Variants in PDE1C observed in about 807,000 individuals in gnomAD.
PDE1C encodes the protein phosphodiesterase 1C, also known as dual specificity calcium/calmodulin-dependent 3',5'-cyclic nucleotide phosphodiesterase 1C.
Under a neutral mutation model 93.1 loss-of-function variants are expected in PDE1C, and 62 were observed. The ratio of observed to expected loss-of-function variants is 0.67; its 90% CI spans 0.54 to 0.82. The LOEUF is 0.82. PDE1C is among the 40% of genes least tolerant of loss of function. PDE1C has a pLI of 0.00. For synonymous variants in PDE1C, 325 were observed against 310.1 expected (o/e 1.05, Z -0.50); for missense variants, 742 against 884.6 (o/e 0.84, Z 2.04).
At chr7:31,986,398 C>T (rs930396777) in intron 2 of PDE1C, among the ~76,000 whole-genome samples, 2 of 152,152 alleles carry the variant, frequency 1.3e-5, no homozygotes, top group Admixed American at 6.5e-5. Context: ...CTAGTTATAT[C>T]TGCAAAGACT....
In PDE1C at chr7:32,203,021, A is replaced by G. The variant is rs370292045; in HGVS notation, c.136+6468T>C. 5.3e-5 allele frequency among the ~76,000 whole-genome samples: 8 copies of G among 152,016 alleles called. No homozygotes were observed. The East Asian group carries it at 1.5e-3, about 29-fold the overall frequency. ...TCCTCCCCACACCCAGCTCCTAGCA[A>G]ACACCATCCAATTCTGCATTTCTAT... On this transcript the variant is annotated intron_variant, in intron 2 of 18. Transcript: ENST00000396193.
At chr7:31,820,250 T>G (rs1201636815) in intron 14 of PDE1C, among the ~76,000 whole-genome samples, 1 of 152,062 alleles carries the variant, frequency 6.6e-6, no homozygotes, top group Non-Finnish European at 1.5e-5. Flanking sequence ...CATCAGAATT[T>G]TAATAATAGT....
Position 32,165,913 on chromosome 7 carries a change from C to A in PDE1C, c.308+3872G>T, listed in dbSNP as rs572737883. Among the ~76,000 whole-genome samples the A allele has an allele frequency of 1.1e-4, 17 of 152,226 alleles. No homozygotes were observed. The South Asian group carries it at 3.3e-3, about 30-fold the overall frequency. On this transcript the variant is annotated intron_variant, in intron 3 of 18. Coordinates refer to the PDE1C transcript ENST00000396193. ...TAGAGAACAACATCCTTGGGCCCCA[C>A]CTAGATCTGGGATGAGCCCAACAAT...
intron 17 of PDE1C, among the ~76,000 whole-genome samples, chr7:31,772,373 T>C (rs1390217253): frequency 6.6e-6 from 1 of 152,172 alleles, no homozygotes; most frequent in South Asian, 2.1e-4. Flanking sequence ...ATTCAGGTTA[T>C]AGCCCTAGCT....
At chr7:32,399,620 T>C (rs1784905978) in intron 1 of PDE1C, among the ~76,000 whole-genome samples, 1 of 149,642 alleles carries the variant, frequency 6.7e-6, no homozygotes, top group African/African-American at 2.5e-5. Flanking sequence ...TCTTCCTCTG[T>C]TGCCCAGACT....
intron 1 of PDE1C, among the ~76,000 whole-genome samples, chr7:32,283,953 T>A (rs1811842197): frequency 6.6e-6 from 1 of 152,182 alleles, no homozygotes; most frequent in Non-Finnish European, 1.5e-5. Context: ...TTTGGTGCAG[T>A]CAGTAAATAC....
At chr7:31,985,256 T>TA (rs371900820) in intron 2 of PDE1C, among the ~76,000 whole-genome samples, 2 of 152,116 alleles carry the variant, frequency 1.3e-5, no homozygotes, top group African/African-American at 4.8e-5. Flanking sequence ...CAGAGCTCTA[T>TA]AAAAGCACTA....
At chr7:31,709,116 T>G in the PDE1C span, among the ~76,000 whole-genome samples, 1 of 152,214 alleles carries the variant, frequency 6.6e-6, no homozygotes, top group Non-Finnish European at 1.5e-5. Flanking sequence ...CTATCAGATT[T>G]GCTGTATGAA....
intron 17 of PDE1C, among the ~76,000 whole-genome samples, chr7:31,765,475 G>C (rs1324909300): frequency 6.6e-6 from 1 of 152,134 alleles, no homozygotes; most frequent in African/African-American, 2.4e-5. Context: ...TCTTAACAAC[G>C]TGTGCATTTT....
intron 3 of PDE1C, among the ~76,000 whole-genome samples, chr7:32,160,178 T>A (rs1801823917): frequency 6.6e-6 from 1 of 152,102 alleles, no homozygotes; most frequent in Admixed American, 6.5e-5. Context: ...CTTGGTGAGC[T>A]GCAGGGTGCC....
chr7:32,156,003 T>C (rs369660446), intron 3 of PDE1C, among the ~76,000 whole-genome samples: 160 of 152,342 alleles, frequency 1.1e-3, no homozygotes, highest in African/African-American at 3.7e-3. Context: ...CAAACTCCTT[T>C]CTCTGGCTAA....
intron 1 of PDE1C, among the ~76,000 whole-genome samples, chr7:32,062,259 C>G (rs958259992): frequency 1.2e-4 from 18 of 152,314 alleles, no homozygotes; most frequent in African/African-American, 4.3e-4. Context: ...CCCCCATATC[C>G]AAGTCCTGTT....
rs965991960 is a variant in PDE1C, at chr7:31,901,625, G to C, written c.129-20765C>G. Among the ~76,000 whole-genome samples, 21 of 151,162 alleles carry C rather than the reference G, an allele frequency of 1.4e-4. No homozygotes were observed. In the South Asian group the frequency reaches 2.3e-3, roughly 17 times the overall value. ...AGAACTTATTATATAATTTAACATA[G>C]AAGGCTAAACTTTTAAACATAGCCA... On this transcript the variant is annotated intron_variant, in intron 2 of 17. Coordinates refer to ENST00000396191, the MANE Select transcript of PDE1C (RefSeq NM_001191057.4).
At chr7:32,252,934 C>G (rs1809498326) in intron 1 of PDE1C, among the ~76,000 whole-genome samples, 1 of 152,176 alleles carries the variant, frequency 6.6e-6, no homozygotes, top group South Asian at 2.1e-4. Flanking sequence ...CTAACCATAA[C>G]AAACAGCTCA....
intron 1 of PDE1C, among the ~76,000 whole-genome samples, chr7:32,320,503 C>T (rs1383353021): frequency 2.0e-5 from 3 of 151,570 alleles, no homozygotes; most frequent in African/African-American, 7.3e-5. Flanking sequence ...CACATGTACC[C>T]CTGAACTTAA....
chr7:31,745,037 T>C, the PDE1C span, among the ~76,000 whole-genome samples: 1 of 152,138 alleles, frequency 6.6e-6, no homozygotes, highest in South Asian at 2.1e-4. Context: ...TTTATCTGGA[T>C]GAAGTGAGAT....
rs758813942 is a variant in PDE1C at position 31,942,413 on chromosome 7, ACTTAGGACC to A, written c.129-61562_129-61554del. ...ACCCCAAAGAAGGGTGGATTTTAAAACTTAGGACCCTCAGTAATCTATGAACCTGGCAGG... is the reference window on the plus strand; with the variant it reads ...ACCCCAAAGAAGGGTGGATTTTAAAACTCAGTAATCTATGAACCTGGCAGG... On this transcript the variant is annotated intron_variant, in intron 2 of 17. Coordinates refer to ENST00000396191, the MANE Select transcript of PDE1C (RefSeq NM_001191057.4). 5.8e-4 allele frequency among the ~76,000 whole-genome samples: 88 copies of A among 152,182 alleles called. 1 individual carries two copies. Among genetic ancestry groups the A allele is most frequent in the African/African-American group, 2.0e-3 (85 of 41,506 alleles).
At chr7:31,931,460 C>G (rs1804243215) in intron 2 of PDE1C, among the ~76,000 whole-genome samples, 1 of 152,002 alleles carries the variant, frequency 6.6e-6, no homozygotes, top group South Asian at 2.1e-4. Flanking sequence ...AAACAGAGAG[C>G]CAAATCATGA....
At chr7:31,718,006 G>C in the PDE1C span, among the ~76,000 whole-genome samples, 1 of 152,084 alleles carries the variant, frequency 6.6e-6, no homozygotes, top group African/African-American at 2.4e-5. Context: ...AAGGATATGA[G>C]AGTAGGTGAA....
Sources: gnomAD v4.1 joint callset for allele counts (sites outside exome capture counted in the v4.1 genomes callset) on GRCh38, gnomAD v4.1.1 for gene constraint, MANE v1.5 for transcripts, NCBI Gene and HGNC (gene_info 2026-07-23, HGNC 2026-07-21) for gene names.